Variants in GLCE observed in about 807,000 individuals in gnomAD.
GLCE encodes glucuronic acid epimerase, also known as D-glucuronyl C5-epimerase.
Under a neutral mutation model 47.9 loss-of-function variants are expected in GLCE, and 19 were observed. That is an observed-to-expected ratio of 0.40 (90% CI 0.28 to 0.58). The LOEUF (loss-of-function observed/expected upper bound fraction) is 0.58, where lower values mean the gene tolerates loss of function less well. Ranked by LOEUF, GLCE falls within the 20% of genes least tolerant of loss-of-function variation. The probability of loss-of-function intolerance (pLI) is 0.48; values close to 1 mark genes in which losing one functional copy is unlikely to be tolerated. For synonymous variants in GLCE, 245 were observed against 263.4 expected, an observed-to-expected ratio of 0.93 and a Z score of 0.68; for missense variants, 556 against 743.3, an observed-to-expected ratio of 0.75 and a Z score of 2.93.
intron 1 of GLCE, among the ~76,000 whole-genome samples, chr15:69,206,215 A>G (rs1221381319): frequency 2.0e-5 from 3 of 151,968 alleles, no homozygotes; most frequent in Admixed American, 1.3e-4. Flanking sequence ...TGTTTGTCTG[A>G]TGCTTTTCTT....
At chr15:69,213,062 C>T (rs1743656334) in intron 2 of GLCE, among the ~76,000 whole-genome samples, 1 of 151,882 alleles carries the variant, frequency 6.6e-6, no homozygotes. Context: ...CTCTTTTTCT[C>T]TTGTTTAAAG....
chr15:69,259,360 T>G (rs2052980763), intron 3 of GLCE, among the ~76,000 whole-genome samples: 1 of 152,198 alleles, frequency 6.6e-6, no homozygotes, highest in Admixed American at 6.5e-5. Context: ...TTTATTAAAC[T>G]TATGGGGTTT....
intron 2 of GLCE, among the ~76,000 whole-genome samples, chr15:69,219,289 A>G (rs979634796): frequency 3.9e-5 from 6 of 152,266 alleles, no homozygotes; most frequent in Middle Eastern, 3.4e-3. Context: ...GAAATTGTAT[A>G]GACAGTTGTT....
chr15:69,264,751 T>C (rs2053062580), intron 4 of GLCE, among the ~76,000 whole-genome samples: 2 of 152,198 alleles, frequency 1.3e-5, no homozygotes, highest in Admixed American at 6.5e-5. Flanking sequence ...AAGGTGATGA[T>C]ATATCATTGT....
Position 69,162,906 on chromosome 15 carries a change from A to T in GLCE, c.-105+2149A>T, listed in dbSNP as rs910449680. Among the ~76,000 whole-genome samples, 70 of 152,194 alleles carry T rather than the reference A, an allele frequency of 4.6e-4. 1 individual carries two copies. Among genetic ancestry groups the T allele is most frequent in the African/African-American group, 1.6e-3 (67 of 41,538 alleles). ...AGGCCTCTTAGATACAATTTTTTTT[A>T]AAAGATGTCATTTTTTCTGATCTTA... On this transcript the variant is annotated intron_variant, in intron 1 of 4. Coordinates refer to ENST00000261858, the MANE Select transcript of GLCE (RefSeq NM_015554.3).
intron 2 of GLCE, among the ~76,000 whole-genome samples, chr15:69,225,106 A>G (rs1038968233): frequency 2.0e-5 from 3 of 152,184 alleles, no homozygotes; most frequent in Non-Finnish European, 2.9e-5. Flanking sequence ...TAGTGATATA[A>G]TATGTCTAAA....
chr15:69,206,644 C>T (rs1212309676), intron 1 of GLCE, among the ~76,000 whole-genome samples: 2 of 151,758 alleles, frequency 1.3e-5, no homozygotes, highest in Non-Finnish European at 2.9e-5. Context: ...TGACATGTCC[C>T]GTCCTTTTCT....
chr15:69,200,029 A>C (rs189100274), intron 1 of GLCE, among the ~76,000 whole-genome samples: 215 of 152,234 alleles, frequency 1.4e-3, no homozygotes, highest in African/African-American at 4.2e-3. Flanking sequence ...ATTAAGATAT[A>C]TGCAGAGCAA....
At position 69,198,775 on chromosome 15, in the gene GLCE, G is replaced by C. The variant is rs573153804; in HGVS notation, c.-104-11541G>C. Among the ~76,000 whole-genome samples the C allele has an allele frequency of 8.5e-5, 13 of 152,172 alleles. No individual in the cohort carries two copies. In the East Asian group the frequency reaches 1.5e-3, roughly 18 times the overall value. On this transcript the variant is annotated intron_variant, in intron 1 of 4. Transcript: ENST00000261858. The stretch of plus-strand genomic sequence containing the variant: ...TTACTATGTTGCCCAGGCTGGTCTT[G>C]AACTCCTGGGCTCAAGTGATCCTCC...
At position 69,256,100 on chromosome 15, in the gene GLCE, G is replaced by C. The variant is rs1336650033; in HGVS notation, c.294G>C (p.Lys98Asn). Reference sequence around the variant, plus strand: ...GCTTCAATAGCAATGTGGGAAGTAAGGTGTTAGGGCTCAAATATGAAGAAA... The same window carrying C: ...GCTTCAATAGCAATGTGGGAAGTAACGTGTTAGGGCTCAAATATGAAGAAA... ...VGGFNSNVGS[K>N]VLGLKYEEID... The change falls in exon 3 of 5, where the codon AAG becomes AAC. Residue 98 changes from lysine (K) to asparagine (N), a missense_variant. Lys to Asn is a moderately conservative substitution (Grantham distance 94). Coordinates refer to ENST00000261858, the MANE Select transcript of GLCE (RefSeq NM_015554.3). The C allele has an allele frequency of 1.2e-6, 2 of 1,613,978 alleles. No homozygotes were observed. The highest frequency in any genetic ancestry group is 1.7e-6 in the Non-Finnish European group (2 of 1,180,018).
At chr15:69,206,428 G>C (rs977416909) in intron 1 of GLCE, among the ~76,000 whole-genome samples, 2 of 151,980 alleles carry the variant, frequency 1.3e-5, no homozygotes, top group African/African-American at 4.8e-5. Flanking sequence ...ACAATCAAAA[G>C]GGTGGGAGAT....
chr15:69,238,003 C>T (rs2052615938), intron 2 of GLCE, among the ~76,000 whole-genome samples: 1 of 152,140 alleles, frequency 6.6e-6, no homozygotes, highest in African/African-American at 2.4e-5. Context: ...AAGTGCTATA[C>T]AGTACTTCAA....
chr15:69,198,457 C>T (rs776186819), intron 1 of GLCE, among the ~76,000 whole-genome samples: 15 of 152,134 alleles, frequency 9.9e-5, no homozygotes, highest in Non-Finnish European at 1.8e-4. Flanking sequence ...CCTGAAGTCT[C>T]ATCAGAAATC....
At chr15:69,228,164 ATCT>A (rs1566962297) in intron 2 of GLCE, among the ~76,000 whole-genome samples, 1 of 152,164 alleles carries the variant, frequency 6.6e-6, no homozygotes, top group Admixed American at 6.5e-5. Flanking sequence ...TTTTCTATGT[ATCT>A]TCTTTGTATT....
intron 1 of GLCE, among the ~76,000 whole-genome samples, chr15:69,199,565 A>G (rs1420827712): frequency 6.6e-6 from 1 of 152,170 alleles, no homozygotes; most frequent in Non-Finnish European, 1.5e-5. Context: ...AAGGAATCTC[A>G]TCCTCTTATA....
chr15:69,191,352 G>C (rs903214087), intron 1 of GLCE, among the ~76,000 whole-genome samples: 1 of 152,102 alleles, frequency 6.6e-6, no homozygotes, highest in Admixed American at 6.6e-5. Context: ...TTGGTGGTTG[G>C]CTAGGAGGAC....
chr15:69,246,149 A>G (rs1427658798), intron 2 of GLCE, among the ~76,000 whole-genome samples: 1 of 152,110 alleles, frequency 6.6e-6, no homozygotes, highest in Non-Finnish European at 1.5e-5. Context: ...TCTACTTCTA[A>G]TTCTGGTTCT....
intron 4 of GLCE, among the ~76,000 whole-genome samples, chr15:69,264,664 AG>A (rs1259296543): frequency 6.6e-6 from 1 of 152,138 alleles, no homozygotes; most frequent in Non-Finnish European, 1.5e-5. Context: ...AAAGTGCGCA[AG>A]GGTTTCCCTT....
intron 2 of GLCE, among the ~76,000 whole-genome samples, chr15:69,214,505 G>A (rs572796509): frequency 6.6e-6 from 1 of 152,110 alleles, no homozygotes; most frequent in African/African-American, 2.4e-5. Context: ...GTTTCCTGAG[G>A]CCTCCCCAGC....
Sources: allele counts gnomAD v4.1 joint callset (sites outside exome capture counted in the v4.1 genomes callset), GRCh38; gene constraint gnomAD v4.1.1; transcripts MANE v1.5; gene names NCBI Gene and HGNC (gene_info 2026-07-23, HGNC 2026-07-21).